The following EFHC2 variants were observed in gnomAD, a reference collection of about 807,000 sequenced individuals.
The protein encoded by EFHC2 is EF-hand domain-containing family member C2.
Under a neutral mutation model 52.7 loss-of-function variants are expected in EFHC2, and 18 were observed. The ratio of observed to expected loss-of-function variants is 0.34; its 90% CI spans 0.24 to 0.51. EFHC2 has a LOEUF of 0.51. EFHC2 is among the 20% of genes least tolerant of loss of function. The pLI, the probability that EFHC2 is intolerant of heterozygous loss-of-function variation, is 0.97. For missense variants in EFHC2, 513 were observed against 562.5 expected, an observed-to-expected ratio of 0.91 and a Z score of 0.89; for synonymous variants, 203 against 204.1, an observed-to-expected ratio of 0.99 and a Z score of 0.04.
chrX:44,316,558 T>C lies in EFHC2; in HGVS notation c.43-3802A>G, dbSNP rs181896383. Among the ~76,000 whole-genome samples, 8 of 109,678 alleles carry C rather than the reference T, an allele frequency of 7.3e-5. No individual in the cohort carries two copies. The East Asian group carries it at 2.3e-3, about 31-fold the overall frequency. ...GGATACTATCAAGAGAGTGAAAAAA[T>C]CCATAGAATGAAGTTTGGGTGAGGT... On this transcript the variant is annotated intron_variant, in intron 1 of 14. Coordinates refer to ENST00000420999, the MANE Select transcript of EFHC2 (RefSeq NM_025184.4).
At chrX:44,155,474 CCTT>C (rs1157422872) in intron 14 of EFHC2, among the ~76,000 whole-genome samples, 1 of 112,074 alleles carries the variant, frequency 8.9e-6, no homozygotes, top group African/African-American at 3.2e-5. Flanking sequence ...GATTATGTCT[CCTT>C]CTAGTTTAAA....
At chrX:44,306,882 C>T (rs1391762196) in intron 2 of EFHC2, among the ~76,000 whole-genome samples, 2 of 112,129 alleles carry the variant, frequency 1.8e-5, no homozygotes, top group African/African-American at 6.5e-5. Context: ...GGAAATGAAC[C>T]GCGCAAGCAA....
intron 2 of EFHC2, among the ~76,000 whole-genome samples, chrX:44,280,621 G>A (rs2037694892): frequency 8.9e-6 from 1 of 111,863 alleles, no homozygotes; most frequent in Non-Finnish European, 1.9e-5. Context: ...CTAGGCAAAG[G>A]CTGAAAAACT....
intron 1 of EFHC2, among the ~76,000 whole-genome samples, chrX:44,327,316 G>C (rs1216780470): frequency 8.9e-6 from 1 of 111,946 alleles, no homozygotes; most frequent in African/African-American, 3.2e-5. Flanking sequence ...AAAAGCTGGG[G>C]AAGTATTAAA....
intron 11 of EFHC2, among the ~76,000 whole-genome samples, chrX:44,204,155 C>T (rs1005377344): frequency 9.4e-6 from 1 of 106,360 alleles, no homozygotes; most frequent in African/African-American, 3.5e-5. Context: ...CAATCACACA[C>T]AACATACACC....
At chrX:44,282,186 C>T (rs946811730) in intron 2 of EFHC2, among the ~76,000 whole-genome samples, 1 of 110,079 alleles carries the variant, frequency 9.1e-6, no homozygotes, top group Non-Finnish European at 1.9e-5. Flanking sequence ...AAGGGAAGGG[C>T]TTGGTGAATT....
At chrX:44,237,424 C>A (rs751873286) in intron 8 of EFHC2, among the ~76,000 whole-genome samples, 1 of 111,760 alleles carries the variant, frequency 8.9e-6, no homozygotes, top group Non-Finnish European at 1.9e-5. Context: ...TCTATATAGA[C>A]TTTTACTCTT....
chrX:44,280,674 T>G (rs2037695289), intron 2 of EFHC2, among the ~76,000 whole-genome samples: 1 of 112,101 alleles, frequency 8.9e-6, no homozygotes, highest in Admixed American at 9.5e-5. Context: ...TAAAATATTC[T>G]TATGTGTTAG....
chrX:44,201,135 C>T lies in EFHC2; in HGVS notation c.1752-22571G>A, dbSNP rs771165316. ...AGAACCAAATGAGAGTAACTTCATA[C>T]ACATATGGAAATGTCAAAACAAACT... On this transcript the variant is annotated intron_variant, in intron 11 of 14. Coordinates refer to ENST00000420999, the MANE Select transcript of EFHC2 (RefSeq NM_025184.4). Among the ~76,000 whole-genome samples the T allele has an allele frequency of 4.5e-5, 5 of 111,554 alleles. No individual in the cohort carries two copies. In the East Asian group the frequency reaches 1.4e-3, roughly 31 times the overall value.
chrX:44,296,921 G>A (rs1052470655), intron 2 of EFHC2, among the ~76,000 whole-genome samples: 1 of 111,765 alleles, frequency 8.9e-6, no homozygotes, highest in Non-Finnish European at 1.9e-5. Context: ...TTATTCTTCT[G>A]GAAAATCCCA....
At chrX:44,303,432 T>C (rs2037882241) in intron 2 of EFHC2, among the ~76,000 whole-genome samples, 1 of 111,069 alleles carries the variant, frequency 9.0e-6, no homozygotes, top group Non-Finnish European at 1.9e-5. Context: ...AGATACCCAG[T>C]TGTAGATGTA....
chrX:44,251,238 CAAAAAAAAAAAAA>C (rs746850685), intron 4 of EFHC2, among the ~76,000 whole-genome samples: 8,509 of 18,187 alleles, frequency 0.47, 593 homozygotes, highest in Non-Finnish European at 0.52. Context: ...GACTCCATCT[CAAAAAAAAAAAAA>C]AAAAAAAAAA....
intron 11 of EFHC2, among the ~76,000 whole-genome samples, chrX:44,198,853 G>A (rs2036985395): frequency 9.0e-6 from 1 of 111,699 alleles, no homozygotes; most frequent in African/African-American, 3.3e-5. Context: ...ACTGTAAAAG[G>A]CTGCAAGTGA....
At chrX:44,185,535 A>G (rs778000395) in intron 11 of EFHC2, among the ~76,000 whole-genome samples, 1 of 109,431 alleles carries the variant, frequency 9.1e-6, no homozygotes, top group African/African-American at 3.4e-5. Flanking sequence ...TGAAATAAAT[A>G]ATAAGTCTTT....
chrX:44,232,767 A>G (rs2147322984), intron 9 of EFHC2, 90 bp from the exon 10 acceptor site: 1 of 843,775 alleles, frequency 1.2e-6, no homozygotes, highest in South Asian at 2.8e-5. Flanking sequence ...TCAAGCACAG[A>G]CCACCATATA....
intron 13 of EFHC2, among the ~76,000 whole-genome samples, chrX:44,168,983 A>G (rs1234394691): frequency 1.8e-5 from 2 of 111,021 alleles, no homozygotes; most frequent in African/African-American, 3.3e-5. Context: ...ACAGCAACAC[A>G]AAAAAAAACA....
rs1364641987 is a variant in EFHC2, at chrX:44,250,195, T to C, written c.857A>G (p.Lys286Arg). 2 of 1,209,184 alleles carry C rather than the reference T, an allele frequency of 1.7e-6. No individual in the cohort carries two copies. The highest frequency in any genetic ancestry group is 1.7e-5 in the African/African-American group (1 of 57,807). ...KMFLRRSKLP[K>R]NCPPRVYQPG... ...AAAGTGGTTATATCCACTGCTCACC[T>C]TGGGTAGCTTACTCCTCCGGAGGAA... Residue 286 changes from lysine (K) to arginine (R), a missense_variant and splice_region_variant, in exon 5 of 15, where the codon AAG becomes AGG. By Grantham distance (26) the Lys-to-Arg change is conservative. Transcript: ENST00000420999.
At chrX:44,248,941 T>C in intron 5 of EFHC2, 25 bp from the exon 6 acceptor site, 1 of 1,091,162 alleles carries the variant, frequency 9.2e-7, no homozygotes, top group Non-Finnish European at 1.3e-6. Flanking sequence ...CAAAACAAGA[T>C]GTGGTAGGAT....
At position 44,212,174 on chromosome X, in the gene EFHC2, A is replaced by G. The variant is rs1326359079; in HGVS notation, c.1751+17475T>C. Among the ~76,000 whole-genome samples the G allele has an allele frequency of 3.6e-5, 4 of 110,873 alleles. No homozygotes were observed. In the East Asian group the frequency reaches 1.1e-3, roughly 32 times the overall value. The stretch of plus-strand genomic sequence containing the variant: ...TGAGGTGGGAGGACTGCTTAAGCCC[A>G]GGAGTTTGAATCCAGTCTGGGCAAT... On this transcript the variant is annotated intron_variant, in intron 11 of 14. Transcript: ENST00000420999.
Sources: allele counts gnomAD v4.1 joint callset (sites outside exome capture counted in the v4.1 genomes callset), GRCh38; gene constraint gnomAD v4.1.1; transcripts MANE v1.5; gene names NCBI Gene and HGNC (gene_info 2026-07-23, HGNC 2026-07-21).